DCHS1: variants seen among roughly 807,000 people sequenced by gnomAD.
DCHS1 encodes the protein protocadherin-16.
Under a neutral mutation model 213.9 loss-of-function variants are expected in DCHS1, and 78 were observed. That is an observed-to-expected ratio of 0.36 (90% confidence interval 0.30 to 0.44). DCHS1 has a LOEUF of 0.44. Among genes scored for constraint, DCHS1 ranks in the 20% least tolerant of loss-of-function variants. DCHS1 has a pLI of 1.00. For synonymous variants in DCHS1, 1,828 were observed against 1,873.7 expected (o/e 0.98, Z 0.63); for missense variants, 3,946 against 4,395.9 (o/e 0.90, Z 2.89).
In DCHS1 at chr11:6,625,140, T is replaced by G. The variant is rs1855772566; in HGVS notation, c.7146+58A>C. On this transcript the variant is annotated intron_variant, in intron 19 of 20. Transcript: ENST00000299441. This position sits in a 1 kb window ranked among gnomAD's most constrained non-coding sequence, Gnocchi z 5.3. Reference sequence around the variant, plus strand: ...CCTCAGCAGCTGCTAGCTCTGATACTTCCCTCCAACAGGAACAACCCAGGC... The same window carrying G: ...CCTCAGCAGCTGCTAGCTCTGATACGTCCCTCCAACAGGAACAACCCAGGC... 2.6e-5 allele frequency: 39 copies of G among 1,528,254 alleles called. No individual in the cohort carries two copies. The South Asian group carries it at 5.0e-4, about 19-fold the overall frequency. 94.7% of individuals were successfully genotyped at this position (1,528,254 alleles called of 1,614,324 possible). A position where few individuals can be genotyped will look rare whatever the true frequency, so the allele number is the denominator to read the frequency against.
At position 6,631,144 on chromosome 11, in the gene DCHS1, ATCAGGGGAGCTGCAGTGAGCAGC is replaced by A. The variant is rs748120201; in HGVS notation, c.3816_3838del (p.Glu1272AspfsTer16). 1 of 1,613,164 alleles carries A rather than the reference ATCAGGGGAGCTGCAGTGAGCAGC, an allele frequency of 6.2e-7. No homozygotes were observed. Among genetic ancestry groups the A allele is most frequent in the Non-Finnish European group, 8.5e-7 (1 of 1,179,376 alleles). On this transcript the variant is annotated frameshift_variant, in exon 9 of 21. Coordinates refer to ENST00000299441, the MANE Select transcript of DCHS1 (RefSeq NM_003737.4). LOFTEE classifies it high-confidence loss of function. ...CACATAGTGGGGCCGCTCTGCTCGG[ATCAGGGGAGCTGCAGTGAGCAGC>A]TCCCCTGAGTGAGGGTGCAGAGAGA...
rs1855925664 is a variant in DCHS1 at position 6,632,450 on chromosome 11, T to G, written c.3062A>C (p.Gln1021Pro). The G allele has an allele frequency of 6.2e-7, 1 of 1,600,432 alleles. No homozygotes were observed. The highest frequency in any genetic ancestry group is 8.5e-7 in the Non-Finnish European group (1 of 1,171,406). Residue 1021 changes from glutamine to proline, a missense_variant, in exon 6 of 21, where the codon CAA becomes CCA. Gln to Pro is a moderately conservative substitution (Grantham distance 76). Transcript: ENST00000299441. The surrounding 1 kb of genome is among the most constrained non-coding windows in gnomAD (Gnocchi z 5.9). ...SGTTAGTQVL[Q>P]VQAQAPDGGP... The stretch of plus-strand genomic sequence containing the variant: ...CCCATCTGGTGCTTGGGCCTGCACT[T>G]GCAGGACCTGAGTTCCAGCAGTGGT...
intron 20 of DCHS1, 59 bp from the exon 21 acceptor site, chr11:6,624,449 G>A: frequency 1.4e-6 from 2 of 1,475,356 alleles, no homozygotes; most frequent in Non-Finnish European, 1.8e-6. Context: ...GTGAACAGAA[G>A]AGTGACCCTT....
intron 7 of DCHS1, 99 bp downstream of exon 7, chr11:6,631,517 C>A (rs1855907437): frequency 6.3e-7 from 1 of 1,580,728 alleles, no homozygotes; most frequent in Admixed American, 1.7e-5. Context: ...CTCTCACACC[C>A]AATCCAGGAG....
rs776111364 is a variant in DCHS1 at position 6,629,797 on chromosome 11, A to C, written c.4910T>G (p.Val1637Gly). 6.2e-7 allele frequency: 1 copy of C among 1,613,522 alleles called. No individual in the cohort carries two copies. The highest frequency in any genetic ancestry group is 1.1e-5 in the South Asian group (1 of 91,092). ...CTCGTCGTTGACGTCAGCGACACTGACGGTCAGGACCTGCGTGGCCGAGCG... is the reference window on the plus strand; with the variant it reads ...CTCGTCGTTGACGTCAGCGACACTGCCGGTCAGGACCTGCGTGGCCGAGCG... ...PPRSATQVLT[V>G]SVADVNDEAP... The change falls in exon 11 of 21, where the codon GTC becomes GGC. Residue 1637 changes from valine to glycine, a missense_variant. By Grantham distance (109) the Val-to-Gly change is moderately radical. Transcript: ENST00000299441.
chr11:6,624,746 A>T lies in DCHS1; in HGVS notation c.7269T>A (p.Ser2423Arg). 1 of 1,613,944 alleles carries T rather than the reference A, an allele frequency of 6.2e-7. No individual in the cohort carries two copies. Among genetic ancestry groups the T allele is most frequent in the African/African-American group, 1.3e-5 (1 of 75,060 alleles). ...AAGACGCACCATTGTTGGGGTCAAC[A>T]CTGAAGCCATCGGCAGGGGAAGCCA... ...YHLASPADGF[S>R]VDPNNGTLFT... Residue 2423 changes from serine (S) to arginine (R), a missense_variant, in exon 20 of 21, where the codon AGT becomes AGA. Transcript: ENST00000299441.
Position 6,640,810 on chromosome 11 carries a change from C to T in DCHS1, c.804G>A (p.Leu268=). ...CCTGCAAGACAGGACTGCCAGGGGC[C>T]AGGCTCTCAGACACCACAGCATGGT... The part of the protein sequence containing the change: ...SRYHAVVSES[L]APGSPVLQVF... The change falls in exon 2 of 21, where the codon CTG becomes CTA. Residue 268 remains leucine, a synonymous_variant. Coordinates refer to ENST00000299441, the MANE Select transcript of DCHS1 (RefSeq NM_003737.4). The surrounding 1 kb of genome is among the most constrained non-coding windows in gnomAD (Gnocchi z 6.5). 6.2e-7 allele frequency: 1 copy of T among 1,614,080 alleles called. No individual in the cohort carries two copies. The highest frequency in any genetic ancestry group is 8.5e-7 in the Non-Finnish European group (1 of 1,179,902).
At position 6,622,643 on chromosome 11, in the gene DCHS1, A is replaced by G. The variant is rs1345759739; in HGVS notation, c.9033T>C (p.Gly3011=). Residue 3011 remains glycine (G), a synonymous_variant, in exon 21 of 21, where the codon GGT becomes GGC. Transcript: ENST00000299441. This position sits in a 1 kb window ranked among gnomAD's most constrained non-coding sequence, Gnocchi z 5.4. ...GGTAGGGTCCTCCAGCTCCTGGCCC[A>G]CCATAGCTGGGAAGAGTCTGGTGAT... ...HLYHQTLPSY[G]GPGAGGPYPR... The G allele has an allele frequency of 6.3e-7, 1 of 1,589,610 alleles. No individual in the cohort carries two copies. The highest frequency in any genetic ancestry group is 2.3e-5 in the East Asian group (1 of 43,756).
chr11:6,644,691 G>A (rs372802896), intron 1 of DCHS1, among the ~76,000 whole-genome samples: 329 of 152,304 alleles, frequency 2.2e-3, no homozygotes, highest in African/African-American at 7.5e-3. Context: ...CAGGCAGCCC[G>A]TGCTAAATGA....
chr11:6,621,332 C>A lies in DCHS1; in HGVS notation c.*447G>T, dbSNP rs1040107618. Reference sequence around the variant, plus strand: ...ATAGAACAAAGCTGGAGACTGGATACAAATTGCAGTTTATTAAGGCTCCAG... The same window carrying A: ...ATAGAACAAAGCTGGAGACTGGATAAAAATTGCAGTTTATTAAGGCTCCAG... On this transcript the variant is annotated 3_prime_UTR_variant, in exon 21 of 21. Coordinates refer to ENST00000299441, the MANE Select transcript of DCHS1 (RefSeq NM_003737.4). 4 of 289,760 alleles carry A rather than the reference C, an allele frequency of 1.4e-5. No homozygotes were observed. The highest frequency in any genetic ancestry group is 8.8e-5 in the African/African-American group (4 of 45,636). The allele number at this position is 289,760 out of a possible 1,614,324, so 17.9% of individuals were successfully genotyped here. A position where few individuals can be genotyped will look rare whatever the true frequency, so the allele number is the denominator to read the frequency against.
Position 6,624,144 on chromosome 11 carries a change from C to G in DCHS1, c.7532G>C (p.Gly2511Ala). Residue 2511 changes from glycine to alanine, a missense_variant, in exon 21 of 21, where the codon GGA (glycine) becomes GCA (alanine). Coordinates refer to ENST00000299441, the MANE Select transcript of DCHS1 (RefSeq NM_003737.4). ...LLTLEATDAD[G>A]SRSHAAVDYS... is the part of the protein sequence containing the mutation. ...GTCCACAGCGGCATGGCTGCGGCTTCCATCAGCATCTGTAGCCTCCAGGGT... is the reference window on the plus strand; with the variant it reads ...GTCCACAGCGGCATGGCTGCGGCTTGCATCAGCATCTGTAGCCTCCAGGGT... 1 of 1,612,134 alleles carries G rather than the reference C, an allele frequency of 6.2e-7. No individual in the cohort carries two copies. Among genetic ancestry groups the G allele is most frequent in the Non-Finnish European group, 8.5e-7 (1 of 1,179,294 alleles).
At chr11:6,652,926 A>C (rs1856265298) in intron 1 of DCHS1, among the ~76,000 whole-genome samples, 1 of 152,162 alleles carries the variant, frequency 6.6e-6, no homozygotes, top group Non-Finnish European at 1.5e-5. Flanking sequence ...AGTTCAGGCC[A>C]GTGTTATACC....
chr11:6,655,544 G>A lies in DCHS1; in HGVS notation c.-121+19C>T, dbSNP rs1856303352. 1 of 980,988 alleles carries A rather than the reference G, an allele frequency of 1.0e-6. No homozygotes were observed. Among genetic ancestry groups the A allele is most frequent in the South Asian group, 4.7e-5 (1 of 21,274 alleles). 60.8% of individuals were successfully genotyped at this position (980,988 alleles called of 1,614,324 possible). ...AGGGCGGGCGCGGCCAGACGGGCCG[G>A]GCGGGCGCGGGCACTGACCTCCGCG... On this transcript the variant is annotated intron_variant, in intron 1 of 20. Transcript: ENST00000299441.
rs548281506 is a variant in DCHS1, at chr11:6,627,862, G to A, written c.5372-195C>T. ...CATTTGTGTGTGGTCTGGGAACCCCGGGAGTCCCCCAAGTCCTTTTCATGT... is the reference window on the plus strand; with the variant it reads ...CATTTGTGTGTGGTCTGGGAACCCCAGGAGTCCCCCAAGTCCTTTTCATGT... On this transcript the variant is annotated intron_variant, in intron 13 of 20. Coordinates refer to ENST00000299441, the MANE Select transcript of DCHS1 (RefSeq NM_003737.4). The surrounding 1 kb of genome is among the most constrained non-coding windows in gnomAD (Gnocchi z 5.4). Among the ~76,000 whole-genome samples, 1 of 152,318 alleles carries A rather than the reference G, an allele frequency of 6.6e-6. No homozygotes were observed. Among genetic ancestry groups the A allele is most frequent in the East Asian group, 1.9e-4 (1 of 5,184 alleles).
intron 1 of DCHS1, among the ~76,000 whole-genome samples, chr11:6,652,143 C>T (rs1856254113): frequency 6.6e-6 from 1 of 152,168 alleles, no homozygotes; most frequent in South Asian, 2.1e-4. Flanking sequence ...AGAAGAGATA[C>T]ATACCATAAT....
Position 6,633,482 on chromosome 11 carries a change from A to G in DCHS1, c.2385T>C (p.Tyr795=). The G allele has an allele frequency of 1.3e-6, 2 of 1,578,624 alleles. No individual in the cohort carries two copies. The highest frequency in any genetic ancestry group is 2.3e-5 in the East Asian group (1 of 43,202). Residue 795 remains tyrosine (Y), a synonymous_variant, in exon 5 of 21, where the codon TAT becomes TAC. Transcript: ENST00000299441. Reference sequence around the variant, plus strand: ...CCACATCCTCTGGCACAGAAAAAACATACTGTAGTTGCTCAAATATGGGTG... The same window carrying G: ...CCACATCCTCTGGCACAGAAAAAACGTACTGTAGTTGCTCAAATATGGGTG... ...PTPPIFEQLQ[Y]VFSVPEDVAP...
Position 6,629,914 on chromosome 11 carries a change from A to G in DCHS1, c.4796-3T>C. On this transcript the variant is annotated splice_polypyrimidine_tract_variant and splice_region_variant and intron_variant, in intron 10 of 20. Transcript: ENST00000299441. ...CGGCCGCACCACGGACAGCGCTCCTAGGTGAGCGGTAAGGCAGGTTGGTGG... is the reference window on the plus strand; with the variant it reads ...CGGCCGCACCACGGACAGCGCTCCTGGGTGAGCGGTAAGGCAGGTTGGTGG... 6.2e-7 allele frequency: 1 copy of G among 1,611,004 alleles called. No individual in the cohort carries two copies. Among genetic ancestry groups the G allele is most frequent in the Non-Finnish European group, 8.5e-7 (1 of 1,177,964 alleles).
rs1018464895 is a variant in DCHS1 at position 6,628,295 on chromosome 11, T to C, written c.5371+326A>G. ...TATTATCTAATACAGTAAATACTGA[T>C]ATAATCCACATAAAAACTCCTTAGG... On this transcript the variant is annotated intron_variant, in intron 13 of 20. Transcript: ENST00000299441. This position sits in a 1 kb window ranked among gnomAD's most constrained non-coding sequence, Gnocchi z 4.3. Among the ~76,000 whole-genome samples, 38 of 152,226 alleles carry C rather than the reference T, an allele frequency of 2.5e-4. No homozygotes were observed. Among genetic ancestry groups the C allele is most frequent in the Admixed American group, 6.5e-5 (1 of 15,286 alleles).
rs1855806583 is a variant in DCHS1 at position 6,626,508 on chromosome 11, C to T, written c.6364+44G>A. 6.2e-7 allele frequency: 1 copy of T among 1,609,246 alleles called. No homozygotes were observed. The highest frequency in any genetic ancestry group is 8.5e-7 in the Non-Finnish European group (1 of 1,176,306). On this transcript the variant is annotated intron_variant, in intron 15 of 20. Transcript: ENST00000299441. The surrounding 1 kb of genome is among the most constrained non-coding windows in gnomAD (Gnocchi z 5.2). ...TCCTCTGATGCAAAGAACCTGCTTC[C>T]CCAGTAGCCTGTCCTGCACAGAGCC...
Sources: gnomAD v4.1 joint callset for allele counts (sites outside exome capture counted in the v4.1 genomes callset) on GRCh38, gnomAD v4.1.1 for gene constraint, Gnocchi (gnomAD v3.1) non-coding constraint, MANE v1.5 for transcripts, NCBI Gene and HGNC (gene_info 2026-07-23, HGNC 2026-07-21) for gene names.